Variants in CNOT1 observed in about 807,000 individuals in gnomAD.
CNOT1 encodes the protein CCR4-NOT transcription complex subunit 1.
CNOT1 carries 15 observed loss-of-function variants against 273.8 expected under a neutral mutation model. The observed-to-expected ratio is 0.05, with a 90% CI of 0.04 to 0.08. The LOEUF (loss-of-function observed/expected upper bound fraction) is 0.08. Among genes scored for constraint, CNOT1 ranks in the 10% least tolerant of loss-of-function variants. CNOT1 has a pLI of 1.00. For synonymous variants in CNOT1, 1,022 were observed against 1,005.5 expected, an observed-to-expected ratio of 1.02 and a Z score of -0.31; for missense variants, 1,644 against 2,912.2, an observed-to-expected ratio of 0.56 and a Z score of 10.02.
chr16:58,544,761 T>C lies in CNOT1; in HGVS notation c.4137+600A>G, dbSNP rs999495512. On this transcript the variant is annotated intron_variant, in intron 30 of 48. Transcript: ENST00000317147. ...ATTCTGTATTATATATTCTGTTAAG[T>C]AGAATAAAAGACTAAAGATAACAAT... is the stretch of plus-strand genomic sequence containing the variant. 4.6e-5 allele frequency among the ~76,000 whole-genome samples: 7 copies of C among 152,280 alleles called. No individual in the cohort carries two copies. The South Asian group carries it at 8.3e-4, about 18-fold the overall frequency.
In CNOT1 at chr16:58,580,719, G is replaced by A. The variant is rs2151973708; in HGVS notation, c.1257C>T (p.Phe419=). The A allele has an allele frequency of 6.2e-7, 1 of 1,613,248 alleles. No individual in the cohort carries two copies. Among genetic ancestry groups the A allele is most frequent in the Non-Finnish European group, 8.5e-7 (1 of 1,179,604 alleles). The change falls in exon 12 of 49, where the codon TTC becomes TTT. Residue 419 remains phenylalanine (F), a synonymous_variant. Transcript: ENST00000317147. ...IQHSLINPEI[F]CFADYPCHTV... ...TATGACAGGGATAGTCAGCAAAACA[G>A]AAGATCTCTGGATTTATAAGGGAAT...
intron 39 of CNOT1, 114 bp downstream of exon 39, chr16:58,536,875 A>AT: frequency 6.9e-7 from 1 of 1,453,810 alleles, no homozygotes; most frequent in Non-Finnish European, 9.1e-7. Flanking sequence ...TTGGGTTTGC[A>AT]TGAGTATGGA....
At position 58,551,381 on chromosome 16, in the gene CNOT1, G is replaced by A. The variant is rs1016253325; in HGVS notation, c.3202-109C>T. Reference sequence around the variant, plus strand: ...GTTAAAAAATACACATGGTATGACTGTGTATTAGAAATGTAGGCAAGAATA... The same window carrying A: ...GTTAAAAAATACACATGGTATGACTATGTATTAGAAATGTAGGCAAGAATA... On this transcript the variant is annotated intron_variant, in intron 23 of 48. Transcript: ENST00000317147. 5 of 1,290,134 alleles carry A rather than the reference G, an allele frequency of 3.9e-6. No individual in the cohort carries two copies. The African/African-American group carries it at 7.5e-5, about 19-fold the overall frequency. The allele number at this position is 1,290,134 out of a possible 1,614,324, so 79.9% of individuals were successfully genotyped here.
At chr16:58,528,681 A>T in intron 43 of CNOT1, 33 bp from the exon 44 acceptor site, 1 of 1,516,024 alleles carries the variant, frequency 6.6e-7, no homozygotes, top group Non-Finnish European at 9.0e-7. Context: ...ATATTTCCAC[A>T]CTAAGGAAAA....
intron 25 of CNOT1, among the ~76,000 whole-genome samples, chr16:58,549,388 A>G (rs1378568033): frequency 6.6e-6 from 1 of 152,108 alleles, no homozygotes; most frequent in Non-Finnish European, 1.5e-5. Flanking sequence ...AAAAAAAAAG[A>G]AAAGGATGTA....
At position 58,545,304 on chromosome 16, in the gene CNOT1, A is replaced by G. The variant is rs1343592108; in HGVS notation, c.4137+57T>C. 6 of 1,594,022 alleles carry G rather than the reference A, an allele frequency of 3.8e-6. No homozygotes were observed. The South Asian group carries it at 4.5e-5, about 12-fold the overall frequency. On this transcript the variant is annotated intron_variant, in intron 30 of 48. Transcript: ENST00000317147. The stretch of plus-strand genomic sequence containing the variant: ...AAAGAGCTGAAGAAAAGGTGGCCAA[A>G]CAAAATTTACCTTATCACAAACTAG...
At chr16:58,546,280 C>A in intron 29 of CNOT1, 41 bp downstream of exon 29, 1 of 1,528,148 alleles carries the variant, frequency 6.5e-7, no homozygotes, top group Non-Finnish European at 9.0e-7. Flanking sequence ...AGATAGTATC[C>A]TAGCTAACAG....
Position 58,558,583 on chromosome 16 carries a change from C to A in CNOT1, c.2222G>T (p.Gly741Val). 1 of 1,613,106 alleles carries A rather than the reference C, an allele frequency of 6.2e-7. No homozygotes were observed. The highest frequency in any genetic ancestry group is 1.3e-5 in the African/African-American group (1 of 74,966). The change falls in exon 18 of 49, where the codon GGT (glycine) becomes GTT (valine). Residue 741 changes from glycine (G) to valine (V), a missense_variant. Gly to Val is a moderately radical substitution (Grantham distance 109). Transcript: ENST00000317147. Reference protein sequence around the residue: ...QSMQGFPPNLGSAFSTPQSPA... With the variant: ...QSMQGFPPNLVSAFSTPQSPA... ...TGACTGAGGGGTACTGAATGCAGAA[C>A]CCAAATTTGGAGGAAAACCCTGCAT...
intron 16 of CNOT1, among the ~76,000 whole-genome samples, chr16:58,570,445 C>T (rs910174332): frequency 1.3e-5 from 2 of 152,132 alleles, no homozygotes; most frequent in Non-Finnish European, 2.9e-5. Context: ...CGACACCAGA[C>T]TGGGCAACAT....
intron 43 of CNOT1, among the ~76,000 whole-genome samples, chr16:58,529,006 A>G (rs889824252): frequency 3.9e-5 from 6 of 152,102 alleles, no homozygotes; most frequent in South Asian, 4.1e-4. Flanking sequence ...AAATTTTTTA[A>G]AGTACTGAAA....
In CNOT1 at chr16:58,551,736, A is replaced by G. The variant is rs773981519; in HGVS notation, c.3054T>C (p.Ala1018=). 1.9e-6 allele frequency: 3 copies of G among 1,614,200 alleles called. No homozygotes were observed. The highest frequency in any genetic ancestry group is 8.5e-7 in the Non-Finnish European group (1 of 1,180,030). The stretch of plus-strand genomic sequence containing the variant: ...GAACCTGGGCCTGAGCCTGGGCCTG[A>G]GCCAGTGCAATACTTCCAGGGGTTG... ...SITTPGSIAL[A]QAQAQAQVPA... Residue 1018 remains alanine, a synonymous_variant, in exon 23 of 49, where the codon GCT becomes GCC. Coordinates refer to ENST00000317147, the MANE Select transcript of CNOT1 (RefSeq NM_016284.5).
chr16:58,521,346 T>C (rs773909921), intron 47 of CNOT1, 29 bp from the exon 48 acceptor site: 4 of 1,573,934 alleles, frequency 2.5e-6, no homozygotes, highest in South Asian at 1.2e-5. Flanking sequence ...AGCTAGTTAA[T>C]GTATAGAAGC....
chr16:58,597,784 AT>A, intron 2 of CNOT1: 1 of 486,428 alleles, frequency 2.1e-6, no homozygotes. Context: ...CAAGGCTCTG[AT>A]AAAGGATACT....
intron 35 of CNOT1, among the ~76,000 whole-genome samples, chr16:58,539,494 G>GACAC (rs2040020212): frequency 2.0e-5 from 1 of 49,638 alleles, no homozygotes; most frequent in Non-Finnish European, 4.5e-5. Context: ...CACACACACA[G>GACAC]ACACACACAC....
chr16:58,584,654 C>A (rs1194207324), intron 8 of CNOT1, among the ~76,000 whole-genome samples: 4 of 152,106 alleles, frequency 2.6e-5, no homozygotes, highest in Non-Finnish European at 5.9e-5. Context: ...TTTCACTATG[C>A]ATCTTATTCA....
intron 16 of CNOT1, among the ~76,000 whole-genome samples, chr16:58,571,047 A>G (rs2041253604): frequency 6.6e-6 from 1 of 152,200 alleles, no homozygotes; most frequent in Admixed American, 6.5e-5. Flanking sequence ...CTCCAACCAT[A>G]CCTTCTCTAA....
Position 58,543,648 on chromosome 16 carries a change from T to A in CNOT1, c.4393A>T (p.Ile1465Leu), listed in dbSNP as rs1231308914. The A allele has an allele frequency of 6.2e-6, 10 of 1,614,092 alleles. No homozygotes were observed. Among genetic ancestry groups the A allele is most frequent in the Non-Finnish European group, 7.6e-6 (9 of 1,180,040 alleles). ...ITCREPLLMS[I>L]STNLKNSFAS... ...AAACTGTTTTTTAAGTTGGTAGATA[T>A]GCTCATGAGCAAAGGTTCCCTGCAT... The change falls in exon 31 of 49, where the codon ATA becomes TTA. Residue 1465 changes from isoleucine to leucine, a missense_variant. Ile to Leu is a conservative substitution (Grantham distance 5). Transcript: ENST00000317147.
chr16:58,522,091 G>A (rs967002657), intron 47 of CNOT1, among the ~76,000 whole-genome samples: 6 of 151,846 alleles, frequency 4.0e-5, no homozygotes, highest in Non-Finnish European at 8.8e-5. Flanking sequence ...AGGCCAAGAC[G>A]GGTGGATCAC....
chr16:58,629,348 G>A (rs559650529), intron 1 of CNOT1, among the ~76,000 whole-genome samples: 18 of 152,202 alleles, frequency 1.2e-4, no homozygotes, highest in Non-Finnish European at 2.9e-5. Flanking sequence ...AGTTAAGGAG[G>A]TCGTGGAGGT....
Sources: gnomAD v4.1 joint callset for allele counts (sites outside exome capture counted in the v4.1 genomes callset) on GRCh38, gnomAD v4.1.1 for gene constraint, MANE v1.5 for transcripts, NCBI Gene and HGNC (gene_info 2026-07-23, HGNC 2026-07-21) for gene names.